The following CTNNA3 variants were observed in gnomAD, a reference collection of about 807,000 sequenced individuals.
CTNNA3 encodes catenin alpha 3.
Under a neutral mutation model 95.7 loss-of-function variants are expected in CTNNA3, and 76 were observed. The observed-to-expected ratio is 0.79, with a 90% confidence interval of 0.66 to 0.96. The LOEUF (loss-of-function observed/expected upper bound fraction) is 0.96, where lower values mean the gene tolerates loss of function less well. Ranked by LOEUF, CTNNA3 falls within the 40% of genes least tolerant of loss-of-function variation. CTNNA3 has a pLI of 0.00. For missense variants in CTNNA3, 1,191 were observed against 1,089.8 expected, an observed-to-expected ratio of 1.09 and a Z score of -1.31; for synonymous variants, 431 against 374.4, an observed-to-expected ratio of 1.15 and a Z score of -1.74.
intron 12 of CTNNA3, among the ~76,000 whole-genome samples, chr10:66,333,148 A>G (rs571109485): frequency 7.3e-5 from 11 of 151,446 alleles, no homozygotes; most frequent in South Asian, 4.2e-4. Flanking sequence ...CTAGCGGCCT[A>G]TCAATTTTGT....
At chr10:66,312,698 C>T (rs185259089) in intron 12 of CTNNA3, among the ~76,000 whole-genome samples, 37 of 152,174 alleles carry the variant, frequency 2.4e-4, no homozygotes, top group African/African-American at 8.2e-4. Flanking sequence ...AGGCATGCAT[C>T]ATCAGGCCCG....
intron 3 of CTNNA3, among the ~76,000 whole-genome samples, chr10:67,573,280 T>A (rs1174624944): frequency 1.3e-5 from 2 of 152,016 alleles, no homozygotes; most frequent in Admixed American, 1.3e-4. Flanking sequence ...CCAAAAAAAA[T>A]TTCCTCAAAA....
intron 7 of CTNNA3, among the ~76,000 whole-genome samples, chr10:66,920,839 T>A (rs1218251969): frequency 6.6e-6 from 1 of 152,196 alleles, no homozygotes. Context: ...TACCTCCACT[T>A]CTATTTCCTT....
intron 12 of CTNNA3, among the ~76,000 whole-genome samples, chr10:66,327,085 C>A (rs1487871043): frequency 6.6e-6 from 1 of 152,026 alleles, no homozygotes; most frequent in African/African-American, 2.4e-5. Flanking sequence ...TATTTTTAGG[C>A]CCTCAGGAAC....
In CTNNA3 at chr10:66,351,248, T is replaced by C. The variant is rs1265019857; in HGVS notation, c.1732+27904A>G. The stretch of plus-strand genomic sequence containing the variant: ...ATTACTGTGTATGGAGAATGTACTA[T>C]GTGCCAAGTGCTCTGCTATTTCATT... On this transcript the variant is annotated intron_variant, in intron 12 of 17. Coordinates refer to ENST00000433211, the MANE Select transcript of CTNNA3 (RefSeq NM_013266.4). Among the ~76,000 whole-genome samples, 4 of 152,050 alleles carry C rather than the reference T, an allele frequency of 2.6e-5. 1 individual carries two copies. Among genetic ancestry groups the C allele is most frequent in the African/African-American group, 7.2e-5 (3 of 41,450 alleles).
At chr10:66,746,352 T>C (rs1368319682) in intron 9 of CTNNA3, among the ~76,000 whole-genome samples, 1 of 152,178 alleles carries the variant, frequency 6.6e-6, no homozygotes, top group East Asian at 1.9e-4. Flanking sequence ...GTACAAATTC[T>C]AGCTCTACTA....
intron 9 of CTNNA3, among the ~76,000 whole-genome samples, chr10:66,703,361 C>T (rs1848015901): frequency 6.6e-6 from 1 of 152,192 alleles, no homozygotes; most frequent in South Asian, 2.1e-4. Context: ...TATATTTACT[C>T]TTCATCAATC....
chr10:67,663,435 T>C (rs953622732), intron 1 of CTNNA3, among the ~76,000 whole-genome samples: 3 of 151,376 alleles, frequency 2.0e-5, no homozygotes, highest in African/African-American at 7.3e-5. Context: ...GCAAGTGCGG[T>C]CCCCAGTCAG....
chr10:66,691,040 C>T (rs143189886), intron 9 of CTNNA3, among the ~76,000 whole-genome samples: 21,456 of 152,124 alleles, frequency 0.14, 1,956 homozygotes, highest in African/African-American at 0.25. Flanking sequence ...ATGCAGAAGA[C>T]GGGTGATTTC....
At chr10:67,373,722 T>A (rs1843577407) in intron 5 of CTNNA3, among the ~76,000 whole-genome samples, 1 of 152,156 alleles carries the variant, frequency 6.6e-6, no homozygotes, top group Non-Finnish European at 1.5e-5. Context: ...AATGATGGGG[T>A]AATAAGAATC....
At chr10:66,728,694 T>A (rs1848855961) in intron 9 of CTNNA3, among the ~76,000 whole-genome samples, 1 of 152,158 alleles carries the variant, frequency 6.6e-6, no homozygotes, top group African/African-American at 2.4e-5. Flanking sequence ...GTTAAGTGAT[T>A]CTTGTGCCTC....
intron 13 of CTNNA3, among the ~76,000 whole-genome samples, chr10:66,235,113 T>C (rs1457736300): frequency 6.6e-6 from 1 of 152,198 alleles, no homozygotes; most frequent in African/African-American, 2.4e-5. Context: ...TTAACTGCAG[T>C]CTTGTGACAG....
chr10:66,721,509 C>T (rs1443558685), intron 9 of CTNNA3, among the ~76,000 whole-genome samples: 2 of 152,208 alleles, frequency 1.3e-5, no homozygotes, highest in African/African-American at 4.8e-5. Context: ...AATTTGGAAA[C>T]TAGTGTTCTA....
chr10:66,384,152 A>G (rs1408404907), intron 11 of CTNNA3, among the ~76,000 whole-genome samples: 1 of 152,204 alleles, frequency 6.6e-6, no homozygotes, highest in Non-Finnish European at 1.5e-5. Context: ...ACAGAGTGGC[A>G]TGTTGGATAA....
At chr10:67,439,956 G>A (rs1846437932) in intron 5 of CTNNA3, among the ~76,000 whole-genome samples, 1 of 152,164 alleles carries the variant, frequency 6.6e-6, no homozygotes, top group Admixed American at 6.5e-5. Context: ...AAAAGCATGG[G>A]GAAACGTAAA....
intron 9 of CTNNA3, among the ~76,000 whole-genome samples, chr10:66,648,544 C>A (rs904591352): frequency 6.6e-6 from 1 of 152,000 alleles, no homozygotes; most frequent in Non-Finnish European, 1.5e-5. Context: ...GACAAGTGAT[C>A]CTTAATTCAT....
At chr10:67,267,428 G>A (rs976062830) in intron 5 of CTNNA3, among the ~76,000 whole-genome samples, 7 of 152,184 alleles carry the variant, frequency 4.6e-5, no homozygotes, top group Non-Finnish European at 1.0e-4. Flanking sequence ...GCAGTGGCAC[G>A]ATCTTGGCTC....
chr10:65,966,628 T>G lies in CTNNA3; in HGVS notation c.2384A>C (p.Glu795Ala). ...VKAEIQNLGG[E>A]LIMSALDSVT... ...AGTACTCACAGCTGACATGATGAGCTCTCCTCCCAGGTTCTGGATCTCAGC... is the reference window on the plus strand; with the variant it reads ...AGTACTCACAGCTGACATGATGAGCGCTCCTCCCAGGTTCTGGATCTCAGC... The change falls in exon 17 of 18, where the codon GAG (glutamate) becomes GCG (alanine). Residue 795 changes from glutamate (E) to alanine (A), a missense_variant. By Grantham distance (107) the Glu-to-Ala change is moderately radical. Coordinates refer to ENST00000433211, the MANE Select transcript of CTNNA3 (RefSeq NM_013266.4). The G allele has an allele frequency of 6.2e-7, 1 of 1,613,666 alleles. No individual in the cohort carries two copies. Among genetic ancestry groups the G allele is most frequent in the Non-Finnish European group, 8.5e-7 (1 of 1,179,716 alleles).
intron 13 of CTNNA3, among the ~76,000 whole-genome samples, chr10:66,115,121 C>T (rs2082274511): frequency 6.6e-6 from 1 of 152,066 alleles, no homozygotes; most frequent in Non-Finnish European, 1.5e-5. Context: ...ACAAAAAGGA[C>T]AAGATTGCAA....
Sources: allele counts gnomAD v4.1 joint callset (sites outside exome capture counted in the v4.1 genomes callset), GRCh38; gene constraint gnomAD v4.1.1; transcripts MANE v1.5; gene names NCBI Gene and HGNC (gene_info 2026-07-23, HGNC 2026-07-21).